Variants in NALF1 observed in about 807,000 individuals in gnomAD.
NALF1 encodes the protein family with sequence similarity 155 member A.
Under a neutral mutation model 48.4 loss-of-function variants are expected in NALF1, and 3 were observed. The ratio of observed to expected loss-of-function variants is 0.06; its 90% CI spans 0.03 to 0.16. NALF1 has a LOEUF of 0.16. Among genes scored for constraint, NALF1 ranks in the 10% least tolerant of loss-of-function variants. NALF1 has a pLI of 1.00. For missense variants in NALF1, 526 were observed against 571.5 expected (o/e 0.92, Z 0.81); for synonymous variants, 262 against 245.7 (o/e 1.07, Z -0.62).
intron 1 of NALF1, among the ~76,000 whole-genome samples, chr13:107,535,804 T>G: frequency 6.6e-6 from 1 of 152,162 alleles, no homozygotes; most frequent in East Asian, 1.9e-4. Context: ...GCTGGAGGCA[T>G]CATGCTACCT....
At chr13:107,538,777 T>A (rs975800492) in intron 1 of NALF1, among the ~76,000 whole-genome samples, 2 of 152,164 alleles carry the variant, frequency 1.3e-5, no homozygotes, top group Admixed American at 6.6e-5. Flanking sequence ...CTCACTAACA[T>A]GGGGATCCTA....
At chr13:107,738,288 T>C (rs895575252) in intron 1 of NALF1, among the ~76,000 whole-genome samples, 2 of 152,340 alleles carry the variant, frequency 1.3e-5, no homozygotes, top group Admixed American at 1.3e-4. Flanking sequence ...TTCATGCCTA[T>C]GAGAAGTTTC....
chr13:107,312,426 G>C (rs1246561957), intron 1 of NALF1, among the ~76,000 whole-genome samples: 1 of 151,864 alleles, frequency 6.6e-6, no homozygotes, highest in African/African-American at 2.4e-5. Flanking sequence ...CTGTTGTGGG[G>C]TGGGGGAAGG....
At chr13:107,370,555 A>G (rs1371193839) in intron 1 of NALF1, among the ~76,000 whole-genome samples, 1 of 152,136 alleles carries the variant, frequency 6.6e-6, no homozygotes, top group Admixed American at 6.5e-5. Context: ...ATAGATCCAA[A>G]AGTAACTTAT....
intron 1 of NALF1, among the ~76,000 whole-genome samples, chr13:107,670,011 A>C (rs192062236): frequency 1.3e-5 from 2 of 152,294 alleles, no homozygotes; most frequent in African/African-American, 4.8e-5. Flanking sequence ...AAAATGCCAA[A>C]TAGTCACTCT....
intron 1 of NALF1, among the ~76,000 whole-genome samples, chr13:107,221,129 G>A (rs1426725777): frequency 6.6e-6 from 1 of 152,044 alleles, no homozygotes; most frequent in Non-Finnish European, 1.5e-5. Context: ...GACTCAGAAT[G>A]GGGGAGTTTG....
chr13:107,185,048 G>T (rs144379454), intron 2 of NALF1, among the ~76,000 whole-genome samples: 1 of 152,268 alleles, frequency 6.6e-6, no homozygotes, highest in Non-Finnish European at 1.5e-5. Flanking sequence ...GGAAGATGAT[G>T]TCAGAGACAT....
intron 1 of NALF1, among the ~76,000 whole-genome samples, chr13:107,438,845 A>AAAAAAAAAAAAAAAAAAAC (rs1566342599): frequency 6.8e-6 from 1 of 147,914 alleles, no homozygotes; most frequent in Non-Finnish European, 1.5e-5. Context: ...AAAAAAAAAA[A>AAAAAAAAAAAAAAAAAAAC]AAAAAAGAAT....
In NALF1 at chr13:107,683,608, G is replaced by T. The variant is rs1881358506; in HGVS notation, c.915+182074C>A. Among the ~76,000 whole-genome samples the T allele has an allele frequency of 2.0e-5, 3 of 152,260 alleles. No homozygotes were observed. In the South Asian group the frequency reaches 6.2e-4, roughly 32 times the overall value. On this transcript the variant is annotated intron_variant, in intron 1 of 2. Transcript: ENST00000375915. ...AGAATACAGTTCTTTCACTCCCTAC[G>T]CTTTGCTCCATGTGGCTGCTTGGTT...
intron 1 of NALF1, among the ~76,000 whole-genome samples, chr13:107,571,447 A>G (rs1877984966): frequency 6.6e-6 from 1 of 152,108 alleles, no homozygotes; most frequent in Admixed American, 6.5e-5. Flanking sequence ...TGGGGTTTGG[A>G]GAGTTTTTGG....
intron 1 of NALF1, among the ~76,000 whole-genome samples, chr13:107,484,407 T>C (rs1342937966): frequency 6.6e-6 from 1 of 152,176 alleles, no homozygotes; most frequent in African/African-American, 2.4e-5. Flanking sequence ...TATTCTTTCA[T>C]ATTATGAAAT....
chr13:107,346,971 T>C (rs1367571028), intron 1 of NALF1, among the ~76,000 whole-genome samples: 1 of 152,238 alleles, frequency 6.6e-6, no homozygotes, highest in Non-Finnish European at 1.5e-5. Context: ...ATATTTATGT[T>C]CAGAATTAGG....
chr13:107,333,360 A>C (rs891737476), intron 1 of NALF1, among the ~76,000 whole-genome samples: 1 of 152,164 alleles, frequency 6.6e-6, no homozygotes, highest in African/African-American at 2.4e-5. Flanking sequence ...TAGGCTGTAA[A>C]ATCACCAAAA....
chr13:107,498,979 G>A (rs1395471997), intron 1 of NALF1, among the ~76,000 whole-genome samples: 1 of 152,056 alleles, frequency 6.6e-6, no homozygotes, highest in Non-Finnish European at 1.5e-5. Flanking sequence ...CATCAAATGT[G>A]TATTCACATC....
intron 1 of NALF1, among the ~76,000 whole-genome samples, chr13:107,320,524 C>T (rs961762): frequency 0.79 from 119,901 of 151,936 alleles, 47,769 homozygotes; most frequent in Non-Finnish European, 0.85. Flanking sequence ...TAATATTAAA[C>T]AGTTAATCAT....
intron 1 of NALF1, among the ~76,000 whole-genome samples, chr13:107,493,505 A>G (rs1535710): frequency 0.21 from 32,289 of 152,002 alleles, 3,910 homozygotes; most frequent in East Asian, 0.3. Flanking sequence ...TATTGACCGC[A>G]GTAAAATCAG....
intron 1 of NALF1, among the ~76,000 whole-genome samples, chr13:107,411,251 A>G (rs1366005716): frequency 6.6e-6 from 1 of 151,532 alleles, no homozygotes; most frequent in Non-Finnish European, 1.5e-5. Flanking sequence ...TCTCCTGGGA[A>G]TGCCTTGTTG....
At chr13:107,846,936 G>T (rs1312059187) in intron 1 of NALF1, among the ~76,000 whole-genome samples, 2 of 152,078 alleles carry the variant, frequency 1.3e-5, no homozygotes, top group African/African-American at 4.8e-5. Flanking sequence ...AGAAACTACA[G>T]GTTCCAAAGA....
At chr13:107,490,059 G>A (rs557238141) in intron 1 of NALF1, among the ~76,000 whole-genome samples, 4 of 152,066 alleles carry the variant, frequency 2.6e-5, no homozygotes, top group Non-Finnish European at 4.4e-5. Flanking sequence ...AGTCAGAATG[G>A]CTATTATTAA....
Sources: allele counts gnomAD v4.1 joint callset (sites outside exome capture counted in the v4.1 genomes callset), GRCh38; gene constraint gnomAD v4.1.1; transcripts MANE v1.5; gene names NCBI Gene and HGNC (gene_info 2026-07-23, HGNC 2026-07-21).